PARN: variants seen among roughly 807,000 people sequenced by gnomAD.
PARN encodes the protein poly(A)-specific ribonuclease PARN.
PARN carries 71 observed loss-of-function variants against 102.8 expected under a neutral mutation model. The ratio of observed to expected loss-of-function variants is 0.69; its 90% CI spans 0.57 to 0.84. The LOEUF is 0.84. Among genes scored for constraint, PARN ranks in the 40% least tolerant of loss-of-function variants. PARN has a pLI of 0.00. For missense variants in PARN, 782 were observed against 760.9 expected, an observed-to-expected ratio of 1.03 and a Z score of -0.33; for synonymous variants, 261 against 252.9, an observed-to-expected ratio of 1.03 and a Z score of -0.30.
At chr16:14,488,115 A>G (rs1015528777) in intron 21 of PARN, among the ~76,000 whole-genome samples, 24 of 152,200 alleles carry the variant, frequency 1.6e-4, no homozygotes, top group Non-Finnish European at 3.2e-4. Context: ...AAACACGTAT[A>G]TATCTGTGAA....
intron 18 of PARN, among the ~76,000 whole-genome samples, chr16:14,563,486 G>A (rs1968213785): frequency 9.3e-6 from 1 of 108,016 alleles, no homozygotes; most frequent in African/African-American, 3.2e-5. Flanking sequence ...TTGTGTGTGT[G>A]TGTGTGTGTG....
chr16:14,574,910 T>C (rs1969028541), intron 18 of PARN, among the ~76,000 whole-genome samples: 3 of 152,140 alleles, frequency 2.0e-5, no homozygotes, highest in Admixed American at 2.0e-4. Context: ...CCAGGAGCCC[T>C]GCATCCCAGC....
At chr16:14,595,143 G>A (rs550586387) in intron 12 of PARN, among the ~76,000 whole-genome samples, 6 of 152,176 alleles carry the variant, frequency 3.9e-5, no homozygotes, top group East Asian at 3.9e-4. Flanking sequence ...TGTACTTCTC[G>A]CGAGGTATGG....
chr16:14,436,804 C>CACCTTG (rs1397133777), intron 23 of PARN, 32 bp from the exon 24 acceptor site: 1 of 1,506,084 alleles, frequency 6.6e-7, no homozygotes, highest in Non-Finnish European at 9.1e-7. Context: ...ATATGAACAG[C>CACCTTG]AGGACCAGGA....
intron 22 of PARN, among the ~76,000 whole-genome samples, chr16:14,477,380 A>G (rs1157257946): frequency 1.1e-4 from 16 of 145,286 alleles, no homozygotes; most frequent in East Asian, 8.4e-4. Flanking sequence ...GTTGGAGGTT[A>G]CAGTGAGCCA....
In PARN at chr16:14,630,141, G is replaced by T. The variant is rs771664963; in HGVS notation, c.-16C>A. The T allele has an allele frequency of 9.6e-6, 15 of 1,557,466 alleles. No individual in the cohort carries two copies. Among genetic ancestry groups the T allele is most frequent in the African/African-American group, 1.4e-5 (1 of 73,474 alleles). ...TTATCTCCATTCTGCAGAGTGGCCGGAACCTTGGCCCCACCCGGGCCCGCG... is the reference window on the plus strand; with the variant it reads ...TTATCTCCATTCTGCAGAGTGGCCGTAACCTTGGCCCCACCCGGGCCCGCG... On this transcript the variant is annotated 5_prime_UTR_variant, in exon 1 of 24. Coordinates refer to ENST00000437198, the MANE Select transcript of PARN (RefSeq NM_002582.4).
At chr16:14,624,046 C>T (rs1972487317) in intron 5 of PARN, among the ~76,000 whole-genome samples, 1 of 152,160 alleles carries the variant, frequency 6.6e-6, no homozygotes, top group African/African-American at 2.4e-5. Context: ...TACAAACACA[C>T]TCTTCTGGGT....
intron 5 of PARN, 41 bp from the exon 6 acceptor site, chr16:14,617,691 G>A (rs1972014805): frequency 1.6e-6 from 2 of 1,215,554 alleles, no homozygotes; most frequent in Non-Finnish European, 2.4e-6. Context: ...GGGGATGTTA[G>A]CGGCAGGAAT....
chr16:14,506,122 G>A (rs1022246958), intron 21 of PARN, among the ~76,000 whole-genome samples: 9 of 152,132 alleles, frequency 5.9e-5, no homozygotes, highest in African/African-American at 1.7e-4. Context: ...TGGTACTCCC[G>A]CCAGAAACAT....
intron 14 of PARN, 39 bp downstream of exon 14, chr16:14,586,279 C>G (rs1054583516): frequency 5.0e-5 from 71 of 1,410,602 alleles, no homozygotes; most frequent in Non-Finnish European, 6.8e-5. Context: ...GCCCAGCCAA[C>G]TTTTTTAAAA....
chr16:14,625,485 G>A (rs992893461), intron 5 of PARN, among the ~76,000 whole-genome samples: 10 of 151,948 alleles, frequency 6.6e-5, no homozygotes, highest in South Asian at 2.1e-4. Context: ...CAAGAAGAGC[G>A]AAACTTCATC....
intron 23 of PARN, among the ~76,000 whole-genome samples, chr16:14,441,419 C>T (rs934994456): frequency 3.9e-5 from 6 of 152,194 alleles, no homozygotes; most frequent in African/African-American, 1.4e-4. Context: ...CCAGGTGAAT[C>T]CCAAACGGAT....
At chr16:14,590,372 C>A (rs923365959) in intron 13 of PARN, among the ~76,000 whole-genome samples, 1 of 151,300 alleles carries the variant, frequency 6.6e-6, no homozygotes, top group Non-Finnish European at 1.5e-5. Context: ...TGGTGGCTCA[C>A]GCCTGTAATC....
At chr16:14,486,602 A>G (rs746910472) in intron 21 of PARN, among the ~76,000 whole-genome samples, 3 of 152,214 alleles carry the variant, frequency 2.0e-5, no homozygotes, top group Non-Finnish European at 4.4e-5. Flanking sequence ...GGAATTTAGG[A>G]TCACTTAAAA....
chr16:14,552,252 A>G (rs1967354172), intron 20 of PARN, among the ~76,000 whole-genome samples, 157 bp from the exon 21 acceptor site: 1 of 152,228 alleles, frequency 6.6e-6, no homozygotes, highest in South Asian at 2.1e-4. Flanking sequence ...ACAGAGAGTT[A>G]GCCTGTTCAA....
intron 22 of PARN, among the ~76,000 whole-genome samples, chr16:14,475,169 T>C (rs1962971854): frequency 6.6e-6 from 1 of 152,218 alleles, no homozygotes; most frequent in Non-Finnish European, 1.5e-5. Context: ...AAAGAGCAAG[T>C]AACCAAAGGG....
chr16:14,592,701 T>TA (rs1970270248), intron 13 of PARN, among the ~76,000 whole-genome samples: 1 of 152,166 alleles, frequency 6.6e-6, no homozygotes, highest in Non-Finnish European at 1.5e-5. Context: ...CTATGTCTAA[T>TA]TGTAGCAGGA....
chr16:14,501,425 C>T (rs928450969), intron 21 of PARN: 12 of 12,590 alleles, frequency 9.5e-4, no homozygotes, highest in African/African-American at 2.4e-3. Context: ...TGGGACAAAG[C>T]AAGACTGTCC....
intron 11 of PARN, among the ~76,000 whole-genome samples, chr16:14,600,230 C>T (rs865835202): frequency 1.3e-5 from 2 of 152,124 alleles, no homozygotes; most frequent in African/African-American, 2.4e-5. Flanking sequence ...ATCACTTCAC[C>T]GACTTCTTTA....
Sources: allele counts gnomAD v4.1 joint callset (sites outside exome capture counted in the v4.1 genomes callset), GRCh38; gene constraint gnomAD v4.1.1; transcripts MANE v1.5; gene names NCBI Gene and HGNC (gene_info 2026-07-23, HGNC 2026-07-21).